IFT140: variants seen among roughly 807,000 people sequenced by gnomAD.
IFT140 encodes intraflagellar transport 140.
IFT140 carries 133 observed loss-of-function variants against 164.6 expected under a neutral mutation model. The ratio of observed to expected loss-of-function variants is 0.81; its 90% CI spans 0.70 to 0.93. IFT140 has a LOEUF of 0.93. Among genes scored for constraint, IFT140 ranks in the 40% least tolerant of loss-of-function variants. IFT140 has a pLI of 0.00. For synonymous variants in IFT140, 860 were observed against 817.3 expected (o/e 1.05, Z -0.89); for missense variants, 2,045 against 1,972.3 (o/e 1.04, Z -0.70).
chr16:1,537,443 C>G (rs1005979266), intron 19 of IFT140, among the ~76,000 whole-genome samples: 1 of 152,260 alleles, frequency 6.6e-6, no homozygotes, highest in African/African-American at 2.4e-5. Context: ...CCCCGGACAT[C>G]CTGAACTCTG....
At chr16:1,593,623 G>T (rs1200204359) in intron 4 of IFT140, among the ~76,000 whole-genome samples, 2 of 152,188 alleles carry the variant, frequency 1.3e-5, no homozygotes, top group African/African-American at 4.8e-5. Context: ...GACAGTGTGA[G>T]ACCTGCTGGC....
At chr16:1,537,934 T>G (rs1020783248) in intron 19 of IFT140, among the ~76,000 whole-genome samples, 1 of 152,076 alleles carries the variant, frequency 6.6e-6, no homozygotes, top group Non-Finnish European at 1.5e-5. Flanking sequence ...AGGACAGAGC[T>G]CCCGGGCTTC....
At chr16:1,566,319 A>G (rs761646793) in intron 15 of IFT140, 28 bp from the exon 16 acceptor site, 3 of 1,608,004 alleles carry the variant, frequency 1.9e-6, no homozygotes, top group Non-Finnish European at 2.6e-6. Context: ...CAGAAAGCTC[A>G]CGGAGCCTGC....
chr16:1,581,788 GGGGAGGGGAGTGGAGGGGAT>G, intron 12 of IFT140, among the ~76,000 whole-genome samples: 1 of 112,404 alleles, frequency 8.9e-6, no homozygotes, highest in Non-Finnish European at 1.9e-5. Flanking sequence ...GCGGAGGGGA[GGGGAGGGGAGTGGAGGGGAT>G]GGGAGTGGAG....
At chr16:1,572,904 C>T (rs563725887) in intron 13 of IFT140, among the ~76,000 whole-genome samples, 11 of 152,314 alleles carry the variant, frequency 7.2e-5, no homozygotes, top group Admixed American at 6.5e-5. Context: ...CAGATGCGAA[C>T]GGCTGAATGC....
intron 19 of IFT140, chr16:1,554,829 T>C (rs2032957807): frequency 6.2e-7 from 1 of 1,614,074 alleles, no homozygotes; most frequent in African/African-American, 1.3e-5. Flanking sequence ...AATTGGCCCA[T>C]ACACCAACCT....
chr16:1,596,502 G>T (rs1311243516), intron 4 of IFT140, among the ~76,000 whole-genome samples: 1 of 152,184 alleles, frequency 6.6e-6, no homozygotes, highest in Non-Finnish European at 1.5e-5. Context: ...TGCTGCTCTG[G>T]GGGAAGAGGT....
intron 30 of IFT140, among the ~76,000 whole-genome samples, chr16:1,511,660 G>A (rs533076824): frequency 5.0e-4 from 76 of 152,162 alleles, no homozygotes; most frequent in African/African-American, 1.6e-3. Context: ...TCACCTGGCA[G>A]TGGACCTGCG....
chr16:1,603,032 A>G (rs1436363537), intron 3 of IFT140, among the ~76,000 whole-genome samples: 1 of 152,188 alleles, frequency 6.6e-6, no homozygotes, highest in African/African-American at 2.4e-5. Flanking sequence ...CAATGGGGCA[A>G]TGTTCTCAGT....
At chr16:1,597,282 G>A (rs535046720) in intron 4 of IFT140, among the ~76,000 whole-genome samples, 1 of 152,256 alleles carries the variant, frequency 6.6e-6, no homozygotes, top group African/African-American at 2.4e-5. Context: ...GACACTTAGT[G>A]GGAAATCCCT....
chr16:1,534,628 G>A (rs1038269526), intron 19 of IFT140: 2 of 1,589,944 alleles, frequency 1.3e-6, no homozygotes, highest in African/African-American at 2.7e-5. Context: ...GTTAGGCGCG[G>A]ACCTGGTGAG....
chr16:1,605,042 G>C (rs1333751568), intron 3 of IFT140, among the ~76,000 whole-genome samples: 3 of 152,148 alleles, frequency 2.0e-5, no homozygotes, highest in African/African-American at 7.2e-5. Flanking sequence ...TTACAGCTCA[G>C]AGGGAACTTC....
intron 2 of IFT140, among the ~76,000 whole-genome samples, chr16:1,608,488 C>A (rs910797307): frequency 3.4e-4 from 51 of 152,052 alleles, no homozygotes; most frequent in African/African-American, 1.2e-3. Flanking sequence ...AAAAGGTTAT[C>A]CAGGTGTGGT....
intron 13 of IFT140, chr16:1,577,945 C>G (rs974105651): frequency 6.6e-6 from 1 of 150,916 alleles, no homozygotes; most frequent in Non-Finnish European, 1.5e-5. Flanking sequence ...GGTAAAAAGA[C>G]GGAGGGGTGG....
chr16:1,544,615 C>T (rs893845983), intron 19 of IFT140, among the ~76,000 whole-genome samples: 22 of 152,102 alleles, frequency 1.4e-4, no homozygotes, highest in Admixed American at 1.4e-3. Flanking sequence ...CAAACGTGTG[C>T]TACTGCGCCC....
intron 4 of IFT140, among the ~76,000 whole-genome samples, chr16:1,600,525 A>G (rs2035740894): frequency 1.3e-5 from 2 of 152,178 alleles, no homozygotes; most frequent in African/African-American, 4.8e-5. Flanking sequence ...TCACTGCACC[A>G]TTGTCTAATT....
At position 1,584,990 on chromosome 16, in the gene IFT140, G is replaced by A. The variant is rs191682949; in HGVS notation, c.1156-570C>T. Among the ~76,000 whole-genome samples, 52 of 152,322 alleles carry A rather than the reference G, an allele frequency of 3.4e-4. 1 individual carries two copies. Among genetic ancestry groups the A allele is most frequent in the African/African-American group, 1.1e-3 (47 of 41,574 alleles). On this transcript the variant is annotated intron_variant, in intron 10 of 30. Coordinates refer to ENST00000426508, the MANE Select transcript of IFT140 (RefSeq NM_014714.4). Reference sequence around the variant, plus strand: ...AGACTTCAAAGCAGCCACTGGAAACGTGGTGAAGGAGCTGAAGGAAACCAG... The same window carrying A: ...AGACTTCAAAGCAGCCACTGGAAACATGGTGAAGGAGCTGAAGGAAACCAG...
chr16:1,525,385 G>C, intron 21 of IFT140, 59 bp from the exon 22 acceptor site: 1 of 1,334,696 alleles, frequency 7.5e-7, no homozygotes, highest in Non-Finnish European at 1.1e-6. Flanking sequence ...ACGGGAACCG[G>C]GTGGGCTGAG....
chr16:1,572,420 G>T (rs568731413), intron 13 of IFT140, among the ~76,000 whole-genome samples: 1 of 152,350 alleles, frequency 6.6e-6, no homozygotes, highest in East Asian at 1.9e-4. Context: ...GCCAAGGCGC[G>T]TGGATCATGA....
Sources: gnomAD v4.1 joint callset for allele counts (sites outside exome capture counted in the v4.1 genomes callset) on GRCh38, gnomAD v4.1.1 for gene constraint, MANE v1.5 for transcripts, NCBI Gene and HGNC (gene_info 2026-07-23, HGNC 2026-07-21) for gene names.